SETD5: variants seen among roughly 807,000 people sequenced by gnomAD.
SETD5 encodes SET domain containing 5.
A neutral mutation model predicts 153.3 loss-of-function variants in SETD5; 44 were observed. The observed-to-expected ratio is 0.29, with a 90% CI of 0.23 to 0.37. SETD5 has a LOEUF of 0.37. Ranked by LOEUF, SETD5 falls within the 10% of genes least tolerant of loss-of-function variation. The pLI is 1.00. For synonymous variants in SETD5, 716 were observed against 645.2 expected (o/e 1.11, Z -1.66); for missense variants, 1,544 against 1,768.0 (o/e 0.87, Z 2.27).
At chr3:9,472,216 T>C (rs2045379944) in intron 19 of SETD5, among the ~76,000 whole-genome samples, 1 of 152,228 alleles carries the variant, frequency 6.6e-6, no homozygotes, top group Non-Finnish European at 1.5e-5. Flanking sequence ...ATTGGGCACA[T>C]TTAAGCATAA....
At chr3:9,432,435 T>C (rs2040074756) in intron 3 of SETD5, 1 of 292,076 alleles carries the variant, frequency 3.4e-6, no homozygotes. Context: ...TGTATATCTT[T>C]AAGCAGGAAA....
At position 9,477,713 on chromosome 3, in the gene SETD5, C is replaced by G. The variant is rs927070029; in HGVS notation, c.*1622C>G. 6.7e-6 allele frequency: 1 copy of G among 148,524 alleles called. No homozygotes were observed. Among genetic ancestry groups the G allele is most frequent in the African/African-American group, 2.5e-5 (1 of 40,088 alleles). The allele number at this position is 148,524 out of a possible 1,614,324, so 9.2% of individuals were successfully genotyped here. On this transcript the variant is annotated 3_prime_UTR_variant, in exon 23 of 23. Transcript: ENST00000402198. Reference sequence around the variant, plus strand: ...TTTTTTTTTTTTTTAAATGCTGAGACCTCAGCAGAGTACTTTTCTTTTTGT... The same window carrying G: ...TTTTTTTTTTTTTTAAATGCTGAGAGCTCAGCAGAGTACTTTTCTTTTTGT...
At chr3:9,410,607 C>G (rs977489981) in intron 1 of SETD5, among the ~76,000 whole-genome samples, 10 of 152,192 alleles carry the variant, frequency 6.6e-5, no homozygotes, top group Non-Finnish European at 1.3e-4. Context: ...TGTCTTCCAG[C>G]TGGTTCTCTC....
intron 3 of SETD5, among the ~76,000 whole-genome samples, chr3:9,429,517 G>A (rs1049944045): frequency 1.3e-5 from 2 of 151,950 alleles, no homozygotes; most frequent in African/African-American, 2.4e-5. Context: ...TATAATATTC[G>A]TTGCCTAGAA....
chr3:9,402,431 G>A (rs1255666313), intron 1 of SETD5, among the ~76,000 whole-genome samples: 1 of 152,108 alleles, frequency 6.6e-6, no homozygotes. Context: ...GAGTACCTGA[G>A]GGAATACCTT....
Position 9,409,157 on chromosome 3 carries a change from A to T in SETD5, c.-177+11180A>T, listed in dbSNP as rs1029697367. Among the ~76,000 whole-genome samples, 7 of 152,292 alleles carry T rather than the reference A, an allele frequency of 4.6e-5. No homozygotes were observed. In the East Asian group the frequency reaches 1.2e-3, roughly 25 times the overall value. On this transcript the variant is annotated intron_variant, in intron 1 of 22. Transcript: ENST00000402198. ...TGACAGAATCTAGAGGACTTCAGGC[A>T]TTCTCACACCACCCTTTTTGAGAAT...
intron 1 of SETD5, among the ~76,000 whole-genome samples, chr3:9,399,056 C>T (rs1463142861): frequency 6.6e-6 from 1 of 152,224 alleles, no homozygotes; most frequent in Non-Finnish European, 1.5e-5. Flanking sequence ...GTTCATTTCT[C>T]CAGTTTCCTT....
intron 1 of SETD5, among the ~76,000 whole-genome samples, chr3:9,401,963 T>C (rs776237681): frequency 5.9e-5 from 9 of 152,230 alleles, no homozygotes; most frequent in Admixed American, 6.5e-5. Flanking sequence ...AGGCACTCTT[T>C]AGAAAGTAAT....
At chr3:9,456,344 C>T (rs11918316) in intron 17 of SETD5, among the ~76,000 whole-genome samples, 10,462 of 151,896 alleles carry the variant, frequency 0.069, 533 homozygotes, top group Admixed American at 0.12. Flanking sequence ...GGCCTGGTCA[C>T]GTACCTGTAA....
chr3:9,434,942 T>G lies in SETD5; in HGVS notation c.388+60T>G. The G allele has an allele frequency of 6.4e-7, 1 of 1,573,992 alleles. No homozygotes were observed. Among genetic ancestry groups the G allele is most frequent in the East Asian group, 2.3e-5 (1 of 43,734 alleles). ...ATAAAAATATTCTGTGATCTGAATG[T>G]TCATTTTAAGAACCCCTCTTGGCCA... is the stretch of plus-strand genomic sequence containing the variant. On this transcript the variant is annotated intron_variant, in intron 6 of 22. Coordinates refer to ENST00000402198, the MANE Select transcript of SETD5 (RefSeq NM_001080517.3). This position sits in a 1 kb window ranked among gnomAD's most constrained non-coding sequence, Gnocchi z 5.6.
At chr3:9,438,565 A>G (rs918203589) in intron 7 of SETD5, among the ~76,000 whole-genome samples, 1 of 152,220 alleles carries the variant, frequency 6.6e-6, no homozygotes, top group Admixed American at 6.5e-5. Flanking sequence ...TTTTAATTCT[A>G]AATTGAGTTA....
chr3:9,466,287 C>CAA lies in SETD5; in HGVS notation c.2724+1636_2724+1637dup, dbSNP rs146498301. Among the ~76,000 whole-genome samples, 277 of 62,070 alleles carry CAA rather than the reference C, an allele frequency of 4.5e-3. 2 individuals are homozygous for CAA. The highest frequency in any genetic ancestry group is 0.016 in the East Asian group (24 of 1,476). The allele number at this position is 62,070 out of a possible 152,430, so 40.7% of individuals were successfully genotyped here. ...TGGGCAACAGAGCAAGACTCCGTCTCAAAAAAAAAAAAAAAAAAAAAAGAA... is the reference window on the plus strand; with the variant it reads ...TGGGCAACAGAGCAAGACTCCGTCTCAAAAAAAAAAAAAAAAAAAAAAAAGAA... On this transcript the variant is annotated intron_variant, in intron 18 of 22. Transcript: ENST00000402198.
rs765744403 is a variant in SETD5 at position 9,448,370 on chromosome 3, A to T, written c.2104-18A>T. 1 of 1,611,822 alleles carries T rather than the reference A, an allele frequency of 6.2e-7. No individual in the cohort carries two copies. The highest frequency in any genetic ancestry group is 8.5e-7 in the Non-Finnish European group (1 of 1,178,578). On this transcript the variant is annotated intron_variant, in intron 15 of 22. Transcript: ENST00000402198. ...CTACCTCTTGATTTATAAACTAATG[A>T]TCTCTTTTTTACCTTAGTATCTAGT...
chr3:9,445,965 G>GTTTTTTT (rs376821559), intron 13 of SETD5, among the ~76,000 whole-genome samples: 7 of 86,456 alleles, frequency 8.1e-5, no homozygotes, highest in Non-Finnish European at 1.1e-4. Flanking sequence ...TGAAGAGGTT[G>GTTTTTTT]TTTTTTTTTT....
At chr3:9,427,277 G>A (rs531800212) in intron 2 of SETD5, among the ~76,000 whole-genome samples, 3 of 152,288 alleles carry the variant, frequency 2.0e-5, no homozygotes, top group South Asian at 2.1e-4. Flanking sequence ...GGCCAGGCAC[G>A]GTGGCTCACG....
intron 17 of SETD5, among the ~76,000 whole-genome samples, chr3:9,458,025 G>C (rs1336875022): frequency 6.6e-6 from 1 of 152,052 alleles, no homozygotes; most frequent in African/African-American, 2.4e-5. Context: ...TAATATTGAT[G>C]CAAGAATGGA....
chr3:9,410,160 A>C (rs1456810241), intron 1 of SETD5, among the ~76,000 whole-genome samples: 7 of 152,238 alleles, frequency 4.6e-5, no homozygotes. Context: ...CATTGCTCTT[A>C]GGCTACAAAT....
intron 18 of SETD5, among the ~76,000 whole-genome samples, chr3:9,466,070 C>T (rs569000217): frequency 7.2e-5 from 11 of 152,126 alleles, no homozygotes; most frequent in Non-Finnish European, 1.2e-4. Flanking sequence ...AGGCGGATCA[C>T]GAGGTCAGTA....
rs761577246 is a variant in SETD5, at chr3:9,445,684, GAAGAAGAGA to G, written c.1477_1485del (p.Lys493_Glu495del). ...AGTAGACAATCCAGAAGAAAAACCA[GAAGAAGAGA>G]AAGAAGAGGTTATAGATGACCAGGA... On this transcript the variant is annotated inframe_deletion, in exon 13 of 23. Coordinates refer to ENST00000402198, the MANE Select transcript of SETD5 (RefSeq NM_001080517.3). The G allele has an allele frequency of 2.5e-6, 4 of 1,613,530 alleles. No individual in the cohort carries two copies. The highest frequency in any genetic ancestry group is 3.4e-6 in the Non-Finnish European group (4 of 1,179,596).
Sources: allele counts gnomAD v4.1 joint callset (sites outside exome capture counted in the v4.1 genomes callset), GRCh38; gene constraint gnomAD v4.1.1; non-coding constraint Gnocchi (gnomAD v3.1); transcripts MANE v1.5; gene names NCBI Gene and HGNC (gene_info 2026-07-23, HGNC 2026-07-21).